PC: variants seen among roughly 807,000 people sequenced by gnomAD.
PC encodes pyruvate carboxylase, mitochondrial.
In PC, 46 loss-of-function variants were observed where a neutral mutation model predicts 107.8. That is an observed-to-expected ratio of 0.43 (90% CI 0.34 to 0.55). PC has a LOEUF of 0.55. Ranked by LOEUF, PC falls within the 20% of genes least tolerant of loss-of-function variation. The pLI is 0.04. For synonymous variants in PC, 662 were observed against 684.7 expected (o/e 0.97, Z 0.52); for missense variants, 1,241 against 1,643.1 (o/e 0.76, Z 4.23).
intron 3 of PC, among the ~76,000 whole-genome samples, chr11:66,913,216 C>T (rs973721847): frequency 1.3e-5 from 2 of 151,544 alleles, no homozygotes; most frequent in South Asian, 2.1e-4. Context: ...CTGGTTCAGG[C>T]GCAGAGCTGC....
At chr11:66,887,686 G>GA (rs1332485960) in intron 3 of PC, among the ~76,000 whole-genome samples, 1 of 152,216 alleles carries the variant, frequency 6.6e-6, no homozygotes, top group Admixed American at 6.5e-5. Flanking sequence ...AGGGGCAGGG[G>GA]AATCCTGCTG....
At chr11:66,879,494 C>T (rs1442521117) in intron 3 of PC, among the ~76,000 whole-genome samples, 1 of 152,220 alleles carries the variant, frequency 6.6e-6, no homozygotes, top group African/African-American at 2.4e-5. Context: ...GCCTTCAGTG[C>T]ACAGAGGAGG....
intron 3 of PC, among the ~76,000 whole-genome samples, chr11:66,936,587 T>A (rs1297879639): frequency 6.6e-6 from 1 of 152,208 alleles, no homozygotes; most frequent in East Asian, 1.9e-4. Flanking sequence ...TGTTGTGAAA[T>A]GCCTGACAGG....
chr11:66,954,096 G>C (rs897762380), intron 2 of PC, among the ~76,000 whole-genome samples, 153 bp downstream of exon 2: 1 of 152,104 alleles, frequency 6.6e-6, no homozygotes, highest in African/African-American at 2.4e-5. Flanking sequence ...CCTGTGTCTC[G>C]AAGAATAATT....
Position 66,858,452 on chromosome 11 carries a change from G to T in PC, c.1369-5069C>A. Reference sequence around the variant, plus strand: ...TGCTGAGCTTTAGCGGGAACCCCCTGCACTGCAACTGTGAGCTGCTGTGGC... The same window carrying T: ...TGCTGAGCTTTAGCGGGAACCCCCTTCACTGCAACTGTGAGCTGCTGTGGC... On this transcript the variant is annotated intron_variant, in intron 12 of 22. Coordinates refer to ENST00000393960, the MANE Select transcript of PC (RefSeq NM_001040716.2). This position sits in a 1 kb window ranked among gnomAD's most constrained non-coding sequence, Gnocchi z 5.9. The T allele has an allele frequency of 6.4e-7, 1 of 1,551,294 alleles. No homozygotes were observed.
In PC at chr11:66,872,099, T is replaced by C; in HGVS notation, c.61A>G (p.Thr21Ala). 1.3e-6 allele frequency: 2 copies of C among 1,572,098 alleles called. No individual in the cohort carries two copies. The highest frequency in any genetic ancestry group is 2.4e-5 in the East Asian group (1 of 42,286). ...ACATTTGGGGAGGCAGCGGGGGCGG[T>C]GGAGGTTCGGCGGATTCCCAGGAGC... Reference protein sequence around the residue: ...LRLLGIRRTSTAPAASPNVRR... With the variant: ...LRLLGIRRTSAAPAASPNVRR... Residue 21 changes from threonine (T) to alanine (A), a missense_variant, in exon 4 of 23, where the codon ACC becomes GCC. Coordinates refer to ENST00000393960, the MANE Select transcript of PC (RefSeq NM_001040716.2).
In PC at chr11:66,849,954, C is replaced by G. The variant is rs1945374424; in HGVS notation, c.2881G>C (p.Glu961Gln). The change falls in exon 20 of 23, where the codon GAA (glutamate) becomes CAA (glutamine). Residue 961 changes from glutamate to glutamine, a missense_variant. Physicochemically the swap from Glu to Gln is conservative, Grantham distance 29. Transcript: ENST00000393960. ...TTCCCTACCTTAGAGCGAAAGGGTT[C>G]GGGGAACCCCCCATGGGGGACACCG... ...YIGVPHGGFPEPFRSKVLKDL... is the reference protein window; with the variant it reads ...YIGVPHGGFPQPFRSKVLKDL... 6 of 1,613,568 alleles carry G rather than the reference C, an allele frequency of 3.7e-6. No homozygotes were observed. Among genetic ancestry groups the G allele is most frequent in the Non-Finnish European group, 5.1e-6 (6 of 1,180,024 alleles).
intron 3 of PC, among the ~76,000 whole-genome samples, chr11:66,896,811 T>C (rs1323750915): frequency 2.6e-5 from 4 of 152,352 alleles, no homozygotes; most frequent in African/African-American, 9.6e-5. Flanking sequence ...TCCGCCTATA[T>C]ATACGCACAT....
At chr11:66,957,045 G>A (rs1301234213) in intron 1 of PC, among the ~76,000 whole-genome samples, 1 of 152,250 alleles carries the variant, frequency 6.6e-6, no homozygotes, top group Non-Finnish European at 1.5e-5. Flanking sequence ...GTTAAGGAGA[G>A]CCTGCAGGCA....
rs550607560 is a variant in PC at position 66,935,420 on chromosome 11, T to A, written c.-1+17010A>T. Among the ~76,000 whole-genome samples, 9 of 152,252 alleles carry A rather than the reference T, an allele frequency of 5.9e-5. No homozygotes were observed. The South Asian group carries it at 6.2e-4, about 11-fold the overall frequency. On this transcript the variant is annotated intron_variant, in intron 3 of 22. Transcript: ENST00000393960. ...CTTACTGAAACAGCCTTGGGCAACATGGCAGGGAGAAGAGCCCTGCCTTAG... is the reference window on the plus strand; with the variant it reads ...CTTACTGAAACAGCCTTGGGCAACAAGGCAGGGAGAAGAGCCCTGCCTTAG...
chr11:66,851,122 C>G lies in PC; in HGVS notation c.2141G>C (p.Ser714Thr). 6.2e-7 allele frequency: 1 copy of G among 1,613,006 alleles called. No individual in the cohort carries two copies. Among genetic ancestry groups the G allele is most frequent in the South Asian group, 1.1e-5 (1 of 91,080 alleles). The part of the protein sequence containing the change: ...ISYTGDVADP[S>T]RTKYSLQYYM... ...GTACTGCAGTGAGTACTTGGTGCGG[C>G]TGGGGTCGGCCACGTCGCCCGTGTA... is the stretch of plus-strand genomic sequence containing the variant. The change falls in exon 17 of 23, where the codon AGC becomes ACC. Residue 714 changes from serine to threonine, a missense_variant. Coordinates refer to ENST00000393960, the MANE Select transcript of PC (RefSeq NM_001040716.2).
At chr11:66,891,439 G>T (rs1011004210) in intron 3 of PC, among the ~76,000 whole-genome samples, 2 of 151,626 alleles carry the variant, frequency 1.3e-5, no homozygotes, top group Non-Finnish European at 2.9e-5. Context: ...TGTTGCCCAG[G>T]CTGGAGTACA....
intron 3 of PC, among the ~76,000 whole-genome samples, chr11:66,947,065 C>T (rs568870913): frequency 2.2e-4 from 33 of 152,188 alleles, no homozygotes; most frequent in African/African-American, 6.5e-4. Flanking sequence ...ACTACAACCA[C>T]GTCAGAAAAT....
chr11:66,896,921 T>G (rs1010869198), intron 3 of PC, among the ~76,000 whole-genome samples: 2 of 151,080 alleles, frequency 1.3e-5, no homozygotes, highest in African/African-American at 4.8e-5. Context: ...ATCCTTTTGT[T>G]TTTTGTTTGT....
At chr11:66,880,336 C>T (rs971729799) in intron 3 of PC, among the ~76,000 whole-genome samples, 12 of 152,114 alleles carry the variant, frequency 7.9e-5, no homozygotes, top group African/African-American at 2.4e-4. Context: ...TGGGATGGTT[C>T]AAAGGGAGGA....
chr11:66,918,390 CTTTTTTT>C (rs769659124), intron 3 of PC, among the ~76,000 whole-genome samples: 2 of 141,270 alleles, frequency 1.4e-5, no homozygotes, highest in Admixed American at 1.4e-4. Flanking sequence ...ACAAAATCTA[CTTTTTTT>C]TTTTTTTTTA....
At position 66,868,973 on chromosome 11, in the gene PC, G is replaced by A; in HGVS notation, c.904-9C>T. On this transcript the variant is annotated splice_polypyrimidine_tract_variant and intron_variant, in intron 9 of 22. Coordinates refer to ENST00000393960, the MANE Select transcript of PC (RefSeq NM_001040716.2). ...GCGTTCTCGTAGCCCACCTGTGGGG[G>A]CGGCCACGTGAGCAGGGGAGGGCAC... 6.2e-7 allele frequency: 1 copy of A among 1,607,776 alleles called. No individual in the cohort carries two copies. Among genetic ancestry groups the A allele is most frequent in the Non-Finnish European group, 8.5e-7 (1 of 1,174,630 alleles).
intron 3 of PC, among the ~76,000 whole-genome samples, chr11:66,948,282 G>C (rs1351940530): frequency 6.6e-6 from 1 of 151,768 alleles, no homozygotes; most frequent in African/African-American, 2.4e-5. Flanking sequence ...ATTATGCTGA[G>C]TAAAAGAAGG....
At chr11:66,951,065 C>T (rs1429056855) in intron 3 of PC, among the ~76,000 whole-genome samples, 1 of 152,108 alleles carries the variant, frequency 6.6e-6, no homozygotes, top group African/African-American at 2.4e-5. Context: ...CAAGACCTAG[C>T]TCCAAGGGAG....
Sources: allele counts gnomAD v4.1 joint callset (sites outside exome capture counted in the v4.1 genomes callset), GRCh38; gene constraint gnomAD v4.1.1; non-coding constraint Gnocchi (gnomAD v3.1); transcripts MANE v1.5; gene names NCBI Gene and HGNC (gene_info 2026-07-23, HGNC 2026-07-21).